The following BTBD9 variants were observed in gnomAD, a reference collection of about 807,000 sequenced individuals.
BTBD9 encodes the protein BTB/POZ domain-containing protein 9.
BTBD9 carries 49 observed loss-of-function variants against 64.3 expected under a neutral mutation model. The ratio of observed to expected loss-of-function variants is 0.76; its 90% CI spans 0.61 to 0.97. BTBD9 has a LOEUF of 0.97. Ranked by LOEUF, BTBD9 falls within the 50% of genes least tolerant of loss-of-function variation. BTBD9 has a pLI of 0.00. For missense variants in BTBD9, 598 were observed against 762.1 expected (o/e 0.78, Z 2.53); for synonymous variants, 260 against 274.7 (o/e 0.95, Z 0.53).
chr6:38,318,941 G>A (rs923426016), intron 7 of BTBD9, among the ~76,000 whole-genome samples: 5 of 152,190 alleles, frequency 3.3e-5, no homozygotes, highest in Non-Finnish European at 7.3e-5. Context: ...AATCTACCTG[G>A]TGCTCTATTC....
chr6:38,325,743 GT>G (rs953475791), intron 7 of BTBD9, among the ~76,000 whole-genome samples: 3 of 152,152 alleles, frequency 2.0e-5, no homozygotes, highest in Non-Finnish European at 2.9e-5. Context: ...CATTAGGTTA[GT>G]TTTTTTCATT....
intron 4 of BTBD9, among the ~76,000 whole-genome samples, chr6:38,587,023 G>A (rs1431197939): frequency 6.6e-5 from 10 of 150,932 alleles, no homozygotes; most frequent in Non-Finnish European, 1.0e-4. Context: ...AGATTGTGTC[G>A]TTGCATTCCA....
chr6:38,529,146 G>A (rs1773659925), intron 6 of BTBD9, among the ~76,000 whole-genome samples: 1 of 152,192 alleles, frequency 6.6e-6, no homozygotes, highest in African/African-American at 2.4e-5. Flanking sequence ...GCCATAGCCA[G>A]GCAGTGGTCA....
chr6:38,253,226 A>G (rs991444750), intron 9 of BTBD9, among the ~76,000 whole-genome samples: 4 of 152,246 alleles, frequency 2.6e-5, no homozygotes, highest in African/African-American at 9.6e-5. Context: ...TAACTGATAA[A>G]CAAAGAGCTT....
Position 38,239,451 on chromosome 6 carries a change from A to AT in BTBD9, c.1562+16957_1562+16958insA, listed in dbSNP as rs1461061718. Among the ~76,000 whole-genome samples, 100 of 151,820 alleles carry AT rather than the reference A, an allele frequency of 6.6e-4. 1 individual carries two copies. Among genetic ancestry groups the AT allele is most frequent in the African/African-American group, 2.3e-3 (97 of 41,422 alleles). ...AAGACTCTGTCTCAAAAAAAAAAAAAAAAAAAAAAGATATAATCTCTTATA... is the reference window on the plus strand; with the variant it reads ...AAGACTCTGTCTCAAAAAAAAAAAAATAAAAAAAAAGATATAATCTCTTATA... On this transcript the variant is annotated intron_variant, in intron 9 of 10. Transcript: ENST00000481247.
At chr6:38,239,016 T>C (rs1473060578) in intron 9 of BTBD9, among the ~76,000 whole-genome samples, 1 of 152,140 alleles carries the variant, frequency 6.6e-6, no homozygotes, top group African/African-American at 2.4e-5. Flanking sequence ...TCCATTTGGA[T>C]GGTTACTCCA....
In BTBD9 at chr6:38,518,674, C is replaced by T. The variant is rs1292099547; in HGVS notation, c.1154+58926G>A. Among the ~76,000 whole-genome samples the T allele has an allele frequency of 2.6e-5, 4 of 152,216 alleles. No individual in the cohort carries two copies. In the East Asian group the frequency reaches 7.7e-4, roughly 29 times the overall value. On this transcript the variant is annotated intron_variant, in intron 6 of 10. Transcript: ENST00000481247. ...AACCCTGAGCTGACCAATCTCTGTG[C>T]TTCTATATAAGGACATGTATAATAC... is the stretch of plus-strand genomic sequence containing the variant.
intron 1 of BTBD9, among the ~76,000 whole-genome samples, chr6:38,624,377 T>C (rs1778101960): frequency 6.6e-6 from 1 of 152,100 alleles, no homozygotes; most frequent in African/African-American, 2.4e-5. Flanking sequence ...ACTCACTCTT[T>C]GGGTCTGTGC....
intron 6 of BTBD9, among the ~76,000 whole-genome samples, chr6:38,354,267 T>C (rs1355024464): frequency 6.6e-6 from 1 of 152,154 alleles, no homozygotes; most frequent in Non-Finnish European, 1.5e-5. Context: ...AAACTAGCAC[T>C]GGAATTAAAA....
chr6:38,359,180 T>G (rs1413912985), intron 6 of BTBD9, among the ~76,000 whole-genome samples: 1 of 152,196 alleles, frequency 6.6e-6, no homozygotes, highest in Non-Finnish European at 1.5e-5. Context: ...ACATCTCCTA[T>G]CCTAGGAAAC....
chr6:38,339,929 C>T lies in BTBD9; in HGVS notation c.1264+5055G>A, dbSNP rs1411548432. Among the ~76,000 whole-genome samples, 6 of 152,010 alleles carry T rather than the reference C, an allele frequency of 3.9e-5. No individual in the cohort carries two copies. The South Asian group carries it at 1.0e-3, about 26-fold the overall frequency. On this transcript the variant is annotated intron_variant, in intron 7 of 10. Transcript: ENST00000481247. ...CTGTATATTTCTAGAGACAGAAGGACCTAAAAATCAGTAACAAAAATCTTA... is the reference window on the plus strand; with the variant it reads ...CTGTATATTTCTAGAGACAGAAGGATCTAAAAATCAGTAACAAAAATCTTA...
intron 6 of BTBD9, among the ~76,000 whole-genome samples, chr6:38,485,921 A>G (rs967458082): frequency 6.6e-6 from 1 of 152,222 alleles, no homozygotes; most frequent in Non-Finnish European, 1.5e-5. Flanking sequence ...TCTATCTTGA[A>G]AATCTGCTGC....
intron 6 of BTBD9, among the ~76,000 whole-genome samples, chr6:38,563,927 G>T (rs556030317): frequency 2.0e-5 from 3 of 151,836 alleles, no homozygotes; most frequent in Admixed American, 2.0e-4. Context: ...GACTACAGGC[G>T]CCCGCCACCA....
At chr6:38,567,227 A>T (rs1256539345) in intron 6 of BTBD9, among the ~76,000 whole-genome samples, 1 of 152,226 alleles carries the variant, frequency 6.6e-6, no homozygotes, top group Non-Finnish European at 1.5e-5. Context: ...TTTAGTCTGC[A>T]TCACATTTCT....
chr6:38,408,203 G>GA (rs750374789), intron 6 of BTBD9, among the ~76,000 whole-genome samples: 3 of 151,886 alleles, frequency 2.0e-5, no homozygotes, highest in Non-Finnish European at 4.4e-5. Context: ...AAAGAAAATA[G>GA]AAAAATTAGT....
chr6:38,546,352 T>C (rs1010055120), intron 6 of BTBD9, among the ~76,000 whole-genome samples: 1 of 152,186 alleles, frequency 6.6e-6, no homozygotes, highest in Non-Finnish European at 1.5e-5. Flanking sequence ...CAACCTATCA[T>C]CTAATAAGAA....
At chr6:38,299,397 G>C (rs1762296560) in intron 7 of BTBD9, among the ~76,000 whole-genome samples, 1 of 152,190 alleles carries the variant, frequency 6.6e-6, no homozygotes, top group Admixed American at 6.5e-5. Context: ...GGGTCAAATG[G>C]TATTTCTAGT....
chr6:38,600,833 C>T (rs1173811012), intron 1 of BTBD9, among the ~76,000 whole-genome samples: 1 of 152,106 alleles, frequency 6.6e-6, no homozygotes, highest in Non-Finnish European at 1.5e-5. Context: ...AATAAGTTCT[C>T]CAGATCTCTA....
intron 9 of BTBD9, among the ~76,000 whole-genome samples, chr6:38,227,531 G>A (rs1458777156): frequency 6.6e-6 from 1 of 152,210 alleles, no homozygotes. Flanking sequence ...GGCTGGGAAG[G>A]AAGGTGATCA....
Sources: allele counts gnomAD v4.1 joint callset (sites outside exome capture counted in the v4.1 genomes callset), GRCh38; gene constraint gnomAD v4.1.1; transcripts MANE v1.5; gene names NCBI Gene and HGNC (gene_info 2026-07-23, HGNC 2026-07-21).